AQP9: variants seen among roughly 807,000 people sequenced by gnomAD.
AQP9 encodes the protein aquaporin 9, also known as aquaporin-9.
In AQP9, 19 loss-of-function variants were observed where a neutral mutation model predicts 23.8. The observed-to-expected ratio is 0.80, with a 90% CI of 0.56 to 1.17. AQP9 has a LOEUF of 1.17. Among genes scored for constraint, AQP9 ranks in the 50% most tolerant of loss-of-function variants. AQP9 has a pLI of 0.00. For missense variants in AQP9, 413 were observed against 362.0 expected, an observed-to-expected ratio of 1.14 and a Z score of -1.14; for synonymous variants, 153 against 131.5, an observed-to-expected ratio of 1.16 and a Z score of -1.12.
chr15:58,171,916 T>G (rs1377965414), intron 2 of AQP9, among the ~76,000 whole-genome samples: 1 of 152,198 alleles, frequency 6.6e-6, no homozygotes, highest in Non-Finnish European at 1.5e-5. Context: ...AGCCTGAAAG[T>G]CCACATCTCA....
intron 2 of AQP9, among the ~76,000 whole-genome samples, chr15:58,168,238 C>G (rs111558327): frequency 0.024 from 3,697 of 151,922 alleles, 158 homozygotes; most frequent in African/African-American, 0.084. Flanking sequence ...GCCATGTTGC[C>G]CAGGCTGGTC....
In AQP9 at chr15:58,174,887, C is replaced by G. The variant is rs375784825; in HGVS notation, c.377-31C>G. The G allele has an allele frequency of 4.4e-6, 7 of 1,582,912 alleles. No individual in the cohort carries two copies. In the East Asian group the frequency reaches 1.1e-4, roughly 25 times the overall value. ...GCCTCCTTCAACTCTTCCCAGGGAA[C>G]ACTAATGTGCCAGAGCTTTCTCTTT... On this transcript the variant is annotated intron_variant, in intron 3 of 5. Coordinates refer to ENST00000219919, the MANE Select transcript of AQP9 (RefSeq NM_020980.5).
chr15:58,176,578 C>T (rs965298078), intron 4 of AQP9, among the ~76,000 whole-genome samples: 2 of 149,560 alleles, frequency 1.3e-5, no homozygotes, highest in East Asian at 2.0e-4. Context: ...CATAGAAGAG[C>T]GAGGACAATT....
intron 5 of AQP9, among the ~76,000 whole-genome samples, chr15:58,181,223 G>T (rs1370498447): frequency 6.6e-6 from 1 of 152,186 alleles, no homozygotes; most frequent in Non-Finnish European, 1.5e-5. Flanking sequence ...GCTAGCATCA[G>T]GATCTTTTCC....
rs537177195 is a variant in AQP9 at position 58,162,871 on chromosome 15, G to A, written c.112-3802G>A. ...TGATACCAAGTAGAGCAGGGATGACGTGCCACCCCAAACCCTGCCCAAATT... is the reference window on the plus strand; with the variant it reads ...TGATACCAAGTAGAGCAGGGATGACATGCCACCCCAAACCCTGCCCAAATT... On this transcript the variant is annotated intron_variant, in intron 1 of 5. Transcript: ENST00000219919. 1.1e-4 allele frequency among the ~76,000 whole-genome samples: 17 copies of A among 152,306 alleles called. No individual in the cohort carries two copies. The South Asian group carries it at 3.3e-3, about 30-fold the overall frequency.
chr15:58,182,680 G>T (rs1296513884), intron 5 of AQP9, among the ~76,000 whole-genome samples: 3 of 152,168 alleles, frequency 2.0e-5, no homozygotes, highest in Non-Finnish European at 4.4e-5. Flanking sequence ...GCCTGGGGAA[G>T]GGCACTGTGA....
chr15:58,174,855 G>A, intron 3 of AQP9, 63 bp from the exon 4 acceptor site: 1 of 1,397,980 alleles, frequency 7.2e-7, no homozygotes, highest in Non-Finnish European at 1.0e-6. Flanking sequence ...CACAAGGCTT[G>A]GCACAGGCCT....
rs556237803 is a variant in AQP9 at position 58,145,926 on chromosome 15, C to T, written c.111+7250C>T. Among the ~76,000 whole-genome samples the T allele has an allele frequency of 1.2e-4, 18 of 152,220 alleles. No individual in the cohort carries two copies. The South Asian group carries it at 3.7e-3, about 32-fold the overall frequency. On this transcript the variant is annotated intron_variant, in intron 1 of 5. Coordinates refer to ENST00000219919, the MANE Select transcript of AQP9 (RefSeq NM_020980.5). ...CATTTTAGGTTGATAATTATTTTTG[C>T]TTGGCATTTTTCAGGTGTCTCTGTC...
chr15:58,183,871 T>C (rs1322262283), intron 5 of AQP9, 90 bp from the exon 6 acceptor site: 5 of 1,418,020 alleles, frequency 3.5e-6, no homozygotes, highest in Non-Finnish European at 2.9e-6. Context: ...ACCATGAGTG[T>C]GAGAAAGACT....
intron 1 of AQP9, among the ~76,000 whole-genome samples, chr15:58,160,642 A>AAC (rs1393270728): frequency 6.6e-6 from 1 of 151,784 alleles, no homozygotes; most frequent in Non-Finnish European, 1.5e-5. Flanking sequence ...AACCTGAAAA[A>AAC]AAATGTACTT....
At chr15:58,164,436 TGG>T (rs1431698051) in intron 1 of AQP9, among the ~76,000 whole-genome samples, 1 of 152,202 alleles carries the variant, frequency 6.6e-6, no homozygotes, top group Non-Finnish European at 1.5e-5. Context: ...TCAGTTCACC[TGG>T]AAGTTGTGCC....
intron 5 of AQP9, 54 bp downstream of exon 5, chr15:58,179,399 T>G (rs878914521): frequency 3.6e-5 from 55 of 1,508,258 alleles, no homozygotes; most frequent in Non-Finnish European, 5.4e-6. Flanking sequence ...GCCTCACCAG[T>G]GGGGCGGGGC....
intron 1 of AQP9, among the ~76,000 whole-genome samples, chr15:58,142,236 C>T (rs986665995): frequency 6.6e-6 from 1 of 152,104 alleles, no homozygotes; most frequent in Non-Finnish European, 1.5e-5. Context: ...GAAAGGAGAG[C>T]GATCAACTGC....
In AQP9 at chr15:58,160,256, ATT is replaced by A. The variant is rs11318219; in HGVS notation, c.112-6407_112-6406del. Among the ~76,000 whole-genome samples the A allele has an allele frequency of 9.7e-3, 1,452 of 149,296 alleles. 29 individuals are homozygous for A. Among genetic ancestry groups the A allele is most frequent in the Middle Eastern group, 0.032 (9 of 280 alleles). On this transcript the variant is annotated intron_variant, in intron 1 of 5. Transcript: ENST00000219919. The stretch of plus-strand genomic sequence containing the variant: ...CTCTGATAGTTAATGATGCTTGAGC[ATT>A]TTTTTTTTTCATATGCCTGTTGGCC...
chr15:58,168,156 G>T (rs1020221878), intron 2 of AQP9, among the ~76,000 whole-genome samples: 1 of 151,830 alleles, frequency 6.6e-6, no homozygotes, highest in African/African-American at 2.4e-5. Context: ...AGCCTTCCAA[G>T]TAGCTAGGAC....
chr15:58,181,468 G>A (rs1392371246), intron 5 of AQP9, among the ~76,000 whole-genome samples: 1 of 152,198 alleles, frequency 6.6e-6, no homozygotes, highest in Non-Finnish European at 1.5e-5. Flanking sequence ...AATTATGGGA[G>A]TGGAAGTGGG....
chr15:58,177,003 T>C (rs549501983), intron 4 of AQP9, among the ~76,000 whole-genome samples: 22 of 152,172 alleles, frequency 1.4e-4, no homozygotes, highest in Non-Finnish European at 2.8e-4. Context: ...TAAAGTCAAG[T>C]AGAAAAAGCG....
intron 3 of AQP9, among the ~76,000 whole-genome samples, chr15:58,174,351 AGT>A (rs1212603660): frequency 2.6e-5 from 4 of 152,138 alleles, no homozygotes; most frequent in Non-Finnish European, 5.9e-5. Flanking sequence ...TTCCCCATAG[AGT>A]GTCTCTCTGA....
Position 58,185,132 on chromosome 15 carries a change from C to T in AQP9, c.*997C>T, listed in dbSNP as rs1297272371. On this transcript the variant is annotated 3_prime_UTR_variant, in exon 6 of 6. Coordinates refer to ENST00000219919, the MANE Select transcript of AQP9 (RefSeq NM_020980.5). ...TAACAATTCACAAGGCACTTTCACA[C>T]CCATTATCTAATTTAATCCTCATAA... 6.6e-6 allele frequency: 1 copy of T among 152,192 alleles called. No individual in the cohort carries two copies. The highest frequency in any genetic ancestry group is 2.4e-5 in the African/African-American group (1 of 41,422). 9.4% of individuals were successfully genotyped at this position (152,192 alleles called of 1,614,324 possible).
Sources: allele counts gnomAD v4.1 joint callset (sites outside exome capture counted in the v4.1 genomes callset), GRCh38; gene constraint gnomAD v4.1.1; transcripts MANE v1.5; gene names NCBI Gene and HGNC (gene_info 2026-07-23, HGNC 2026-07-21).